Variants in ADTRP observed in about 807,000 individuals in gnomAD.
ADTRP encodes the protein androgen dependent TFPI regulating protein, also known as androgen-dependent TFPI-regulating protein.
ADTRP carries 20 observed loss-of-function variants against 27.0 expected under a neutral mutation model. The ratio of observed to expected loss-of-function variants is 0.74; its 90% CI spans 0.52 to 1.08. The LOEUF (loss-of-function observed/expected upper bound fraction) is 1.08, where lower values mean the gene tolerates loss of function less well. Among genes scored for constraint, ADTRP ranks in the 50% least tolerant of loss-of-function variants. The probability of loss-of-function intolerance (pLI) is 0.00; values close to 1 mark genes in which losing one functional copy is unlikely to be tolerated. For missense variants in ADTRP, 251 were observed against 275.0 expected, an observed-to-expected ratio of 0.91 and a Z score of 0.62; for synonymous variants, 101 against 105.2, an observed-to-expected ratio of 0.96 and a Z score of 0.25.
chr6:11,727,820 C>T (rs1210918534), intron 4 of ADTRP, among the ~76,000 whole-genome samples: 2 of 151,734 alleles, frequency 1.3e-5, no homozygotes, highest in African/African-American at 2.4e-5. Context: ...AGCAGAGAGG[C>T]GTGAATGAGG....
At chr6:11,766,722 G>C (rs1763584295) in intron 2 of ADTRP, among the ~76,000 whole-genome samples, 1 of 152,142 alleles carries the variant, frequency 6.6e-6, no homozygotes, top group Non-Finnish European at 1.5e-5. Flanking sequence ...ACTTTCACCA[G>C]GAATGCTGAG....
At chr6:11,727,320 T>A (rs772949159) in intron 4 of ADTRP, among the ~76,000 whole-genome samples, 2 of 152,034 alleles carry the variant, frequency 1.3e-5, no homozygotes, top group Admixed American at 1.3e-4. Flanking sequence ...ATGGCCAGCC[T>A]AGAGTTCTTT....
chr6:11,732,244 G>A (rs929282385), intron 4 of ADTRP, among the ~76,000 whole-genome samples: 11 of 152,164 alleles, frequency 7.2e-5, no homozygotes, highest in Non-Finnish European at 1.2e-4. Context: ...ACATGGTTTC[G>A]GCGGTGAAAT....
chr6:11,728,926 C>G (rs543823031), intron 4 of ADTRP, among the ~76,000 whole-genome samples: 1 of 152,174 alleles, frequency 6.6e-6, no homozygotes, highest in African/African-American at 2.4e-5. Context: ...AGGCCAATGA[C>G]GTTGCCCCTC....
intron 4 of ADTRP, among the ~76,000 whole-genome samples, chr6:11,735,070 C>T (rs1762505790): frequency 6.6e-6 from 1 of 152,222 alleles, no homozygotes; most frequent in Admixed American, 6.5e-5. Context: ...GAAATCATCT[C>T]CCATGCAATT....
At chr6:11,765,323 GTTTT>G (rs34943978) in intron 3 of ADTRP, among the ~76,000 whole-genome samples, 1 of 119,142 alleles carries the variant, frequency 8.4e-6, no homozygotes, top group African/African-American at 3.4e-5. Flanking sequence ...CCCCTGGTTT[GTTTT>G]TTTTTTTTTT....
At chr6:11,751,605 A>G (rs1195649134) in intron 3 of ADTRP, among the ~76,000 whole-genome samples, 1 of 151,996 alleles carries the variant, frequency 6.6e-6, no homozygotes, top group Non-Finnish European at 1.5e-5. Flanking sequence ...ATTTTAGCTC[A>G]TTTTGGGGGA....
rs1194807333 is a variant in ADTRP, at chr6:11,768,398, A to G, written c.154-15T>C. 1 of 1,613,442 alleles carries G rather than the reference A, an allele frequency of 6.2e-7. No individual in the cohort carries two copies. Among genetic ancestry groups the G allele is most frequent in the South Asian group, 1.1e-5 (1 of 90,914 alleles). On this transcript the variant is annotated splice_polypyrimidine_tract_variant and intron_variant, in intron 1 of 5. Transcript: ENST00000414691. The stretch of plus-strand genomic sequence containing the variant: ...GTCTGCAAGAGCTAAATCCATTACA[A>G]CAAATGAGGGCATTTTCATTTACTT...
At chr6:11,776,654 G>A (rs1763962902) in intron 1 of ADTRP, among the ~76,000 whole-genome samples, 1 of 152,184 alleles carries the variant, frequency 6.6e-6, no homozygotes, top group Non-Finnish European at 1.5e-5. Context: ...GGTGGAGAGA[G>A]GTAAGTAGGC....
chr6:11,719,877 G>A (rs1355441622), intron 5 of ADTRP, among the ~76,000 whole-genome samples: 3 of 120,470 alleles, frequency 2.5e-5, no homozygotes, highest in Admixed American at 1.8e-4. Context: ...AGAATAAGAT[G>A]ACCAGCAGCA....
intron 4 of ADTRP, among the ~76,000 whole-genome samples, chr6:11,731,871 T>C (rs898369354): frequency 5.9e-5 from 9 of 152,196 alleles, no homozygotes; most frequent in Non-Finnish European, 1.0e-4. Context: ...TGGCCTGATA[T>C]AACATTGCTT....
chr6:11,737,395 G>C (rs571059586), intron 3 of ADTRP, among the ~76,000 whole-genome samples: 1 of 152,256 alleles, frequency 6.6e-6, no homozygotes, highest in South Asian at 2.1e-4. Flanking sequence ...TGGAGCTCGG[G>C]AATGTCATTG....
At chr6:11,764,458 T>C (rs575767901) in intron 3 of ADTRP, among the ~76,000 whole-genome samples, 22 of 152,232 alleles carry the variant, frequency 1.4e-4, no homozygotes, top group Non-Finnish European at 2.4e-4. Flanking sequence ...GCTTTGTTAT[T>C]ATTTTAGTAA....
At chr6:11,717,869 T>A (rs543948891) in intron 5 of ADTRP, among the ~76,000 whole-genome samples, 1 of 152,356 alleles carries the variant, frequency 6.6e-6, no homozygotes, top group African/African-American at 2.4e-5. Flanking sequence ...GATAAATTTT[T>A]GCCATTGACT....
In ADTRP at chr6:11,716,570, C is replaced by T. The variant is rs116037439; in HGVS notation, c.659-2058G>A. Among the ~76,000 whole-genome samples the T allele has an allele frequency of 8.0e-3, 1,212 of 152,136 alleles. 19 individuals carry two copies. Among genetic ancestry groups the T allele is most frequent in the African/African-American group, 0.027 (1,138 of 41,488 alleles). On this transcript the variant is annotated intron_variant, in intron 5 of 5. Transcript: ENST00000414691. The stretch of plus-strand genomic sequence containing the variant: ...TCTGTAGGGACTCATGTGGCGTGAA[C>T]GTTGCAAAAATCATGTTTCTTTTTG...
chr6:11,775,150 G>T (rs1763912160), intron 1 of ADTRP, among the ~76,000 whole-genome samples: 1 of 152,082 alleles, frequency 6.6e-6, no homozygotes, highest in Non-Finnish European at 1.5e-5. Context: ...AGGGGAAGGG[G>T]GTGGATGACT....
chr6:11,757,790 G>A (rs1218781942), intron 3 of ADTRP, among the ~76,000 whole-genome samples: 38 of 152,224 alleles, frequency 2.5e-4, no homozygotes, highest in Non-Finnish European at 7.3e-5. Flanking sequence ...GCTGAAGAAG[G>A]CATGGAGTAG....
chr6:11,754,928 G>A (rs988616259), intron 3 of ADTRP: 25 of 728,928 alleles, frequency 3.4e-5, no homozygotes, highest in South Asian at 6.2e-5. Flanking sequence ...GATTTTTCAC[G>A]TCTGTCTTGA....
In ADTRP at chr6:11,770,665, G is replaced by C. The variant is rs1333129903; in HGVS notation, c.154-2282C>G. Reference sequence around the variant, plus strand: ...CAACAGCTTTAAATGGCAGGAAGGGGTTGCCACCCTAATACTTCTCATTAT... The same window carrying C: ...CAACAGCTTTAAATGGCAGGAAGGGCTTGCCACCCTAATACTTCTCATTAT... On this transcript the variant is annotated intron_variant, in intron 1 of 5. Coordinates refer to ENST00000414691, the MANE Select transcript of ADTRP (RefSeq NM_032744.4). Among the ~76,000 whole-genome samples the C allele has an allele frequency of 3.3e-5, 5 of 152,086 alleles. No homozygotes were observed. The East Asian group carries it at 9.6e-4, about 29-fold the overall frequency.
Sources: gnomAD v4.1 joint callset for allele counts (sites outside exome capture counted in the v4.1 genomes callset) on GRCh38, gnomAD v4.1.1 for gene constraint, MANE v1.5 for transcripts, NCBI Gene and HGNC (gene_info 2026-07-23, HGNC 2026-07-21) for gene names.